The following MSI2 variants were observed in gnomAD, a reference collection of about 807,000 sequenced individuals.
MSI2 encodes the protein RNA-binding protein Musashi homolog 2.
A neutral mutation model predicts 45.6 loss-of-function variants in MSI2; 17 were observed. The observed-to-expected ratio is 0.37, with a 90% CI of 0.26 to 0.56. MSI2 has a LOEUF of 0.56. Among genes scored for constraint, MSI2 ranks in the 20% least tolerant of loss-of-function variants. The pLI, the probability that MSI2 is intolerant of heterozygous loss-of-function variation, is 0.77. For synonymous variants in MSI2, 156 were observed against 158.2 expected (o/e 0.99, Z 0.11); for missense variants, 293 against 444.2 (o/e 0.66, Z 3.06).
intron 9 of MSI2, among the ~76,000 whole-genome samples, chr17:57,622,111 A>G (rs1908347685): frequency 6.6e-6 from 1 of 152,216 alleles, no homozygotes; most frequent in Non-Finnish European, 1.5e-5. Context: ...AGGCAGAAGA[A>G]TCTTGAACCC....
chr17:57,293,587 GTTTTTTTGTTTTTTTTTTTGTT>G (rs1910635268), intron 5 of MSI2, among the ~76,000 whole-genome samples: 1 of 65,374 alleles, frequency 1.5e-5, no homozygotes, highest in Non-Finnish European at 4.4e-5. Flanking sequence ...GTGCTTTATT[GTTTTTTTGTTTTTTTTTTTGTT>G]TTTTTTTGTT....
At chr17:57,297,271 T>C (rs766853897) in intron 5 of MSI2, among the ~76,000 whole-genome samples, 21 of 152,004 alleles carry the variant, frequency 1.4e-4, no homozygotes, top group Non-Finnish European at 5.9e-5. Context: ...ATATTGCAGA[T>C]TCAGTTCCAG....
chr17:57,666,266 G>T (rs1289257823), intron 11 of MSI2, among the ~76,000 whole-genome samples: 3 of 152,218 alleles, frequency 2.0e-5, no homozygotes, highest in African/African-American at 7.2e-5. Context: ...GACACTGTGT[G>T]GCATTGGACA....
intron 10 of MSI2, chr17:57,631,203 T>C (rs1203133919): frequency 6.6e-6 from 1 of 152,378 alleles, no homozygotes; most frequent in Admixed American, 6.5e-5. Context: ...GCAAGACAGC[T>C]AGCTGGGAGA....
chr17:57,402,309 G>T (rs1488315678), intron 6 of MSI2, among the ~76,000 whole-genome samples: 2 of 152,176 alleles, frequency 1.3e-5, no homozygotes, highest in Non-Finnish European at 2.9e-5. Context: ...TGTGGAAATG[G>T]CAGGTTCAAG....
intron 5 of MSI2, among the ~76,000 whole-genome samples, chr17:57,335,256 T>A (rs1181234752): frequency 1.3e-5 from 2 of 152,170 alleles, no homozygotes. Flanking sequence ...CTGGTGGATG[T>A]TCTAGCAGCT....
rs940550631 is a variant in MSI2 at position 57,679,536 on chromosome 17, C to A, written c.*32-13C>A. 4.7e-6 allele frequency: 5 copies of A among 1,054,264 alleles called. No homozygotes were observed. In the South Asian group the frequency reaches 1.4e-4, roughly 29 times the overall value. The allele number at this position is 1,054,264 out of a possible 1,614,324, so 65.3% of individuals were successfully genotyped here. A position where few individuals can be genotyped will look rare whatever the true frequency, so the allele number is the denominator to read the frequency against. On this transcript the variant is annotated splice_polypyrimidine_tract_variant and intron_variant, in intron 13 of 13. Transcript: ENST00000284073. ...GTTTTCTTCTGGACATCCTGGCCTT[C>A]CCTGCCCTGCAGAGCATACCTGGAT...
rs374400269 is a variant in MSI2 at position 57,312,571 on chromosome 17, T to C, written c.312+50379T>C. 4.2e-3 allele frequency among the ~76,000 whole-genome samples: 632 copies of C among 152,214 alleles called. 6 individuals are homozygous for C. Among genetic ancestry groups the C allele is most frequent in the Middle Eastern group, 0.031 (9 of 294 alleles). On this transcript the variant is annotated intron_variant, in intron 5 of 13. Coordinates refer to ENST00000284073, the MANE Select transcript of MSI2 (RefSeq NM_138962.4). ...ACCCTGCAGTCTTCCAGAGTGTAAA[T>C]TGAAGAGAAAGTGACCCTTTCATAT...
intron 6 of MSI2, among the ~76,000 whole-genome samples, chr17:57,459,344 G>A (rs543894045): frequency 2.0e-5 from 3 of 152,308 alleles, no homozygotes; most frequent in African/African-American, 7.2e-5. Context: ...CCGCACGGGG[G>A]CATTGTCCTC....
intron 11 of MSI2, among the ~76,000 whole-genome samples, chr17:57,653,410 C>T (rs1255618264): frequency 6.6e-6 from 1 of 152,140 alleles, no homozygotes; most frequent in Non-Finnish European, 1.5e-5. Context: ...GTGGGGCCCC[C>T]TTCCTGAGCT....
chr17:57,642,083 T>C (rs1910305349), intron 10 of MSI2, among the ~76,000 whole-genome samples: 1 of 152,250 alleles, frequency 6.6e-6, no homozygotes, highest in African/African-American at 2.4e-5. Flanking sequence ...AGGCCAATGA[T>C]GCCTGAGGCT....
At chr17:57,579,449 C>T (rs1473571184) in intron 7 of MSI2, among the ~76,000 whole-genome samples, 1 of 152,194 alleles carries the variant, frequency 6.6e-6, no homozygotes, top group Non-Finnish European at 1.5e-5. Flanking sequence ...CAAGGTGTGC[C>T]CTGTGGCCTG....
chr17:57,385,728 C>T (rs1202580941), intron 5 of MSI2, among the ~76,000 whole-genome samples: 1 of 152,240 alleles, frequency 6.6e-6, no homozygotes, highest in Non-Finnish European at 1.5e-5. Flanking sequence ...CTCTTTCAAG[C>T]CTGCCCTGAC....
At chr17:57,524,238 A>C (rs2030890309) in intron 6 of MSI2, among the ~76,000 whole-genome samples, 1 of 152,186 alleles carries the variant, frequency 6.6e-6, no homozygotes. Context: ...TCTTCCCCCC[A>C]CCGCATTTTA....
intron 6 of MSI2, chr17:57,522,808 C>G (rs1487659846): frequency 6.6e-6 from 1 of 152,342 alleles, no homozygotes; most frequent in East Asian, 1.9e-4. Context: ...CAGCTGCCTC[C>G]CAACACCTGC....
chr17:57,573,437 T>C (rs1418854001), intron 7 of MSI2, among the ~76,000 whole-genome samples: 4 of 152,150 alleles, frequency 2.6e-5, no homozygotes, highest in East Asian at 1.9e-4. Context: ...CAAATTTTTA[T>C]TGAGAATAAG....
chr17:57,674,980 C>T lies in MSI2; in HGVS notation c.799C>T (p.Pro267Ser). Residue 267 changes from proline (P) to serine (S), a missense_variant, in exon 12 of 14, where the codon CCG becomes TCG. By Grantham distance (74) the Pro-to-Ser change is moderately conservative (BLOSUM62 -1). Coordinates refer to ENST00000284073, the MANE Select transcript of MSI2 (RefSeq NM_138962.4). ...GCCCGCTTCCCCGGCAGGCTCCAAC[C>T]CGGCGCGGCCCGGAGGCTTCCCGGG... ...VAAARGSGSN[P>S]ARPGGFPGAN... 2 of 1,613,230 alleles carry T rather than the reference C, an allele frequency of 1.2e-6. No individual in the cohort carries two copies. Among genetic ancestry groups the T allele is most frequent in the Non-Finnish European group, 1.7e-6 (2 of 1,179,706 alleles).
chr17:57,687,870 C>T (rs1180718853), downstream of MSI2, among the ~76,000 whole-genome samples: 2 of 152,052 alleles, frequency 1.3e-5, no homozygotes, highest in East Asian at 3.9e-4. Flanking sequence ...TTTAATATGG[C>T]CAAGCAGGAC....
chr17:57,474,741 GAC>G (rs2085506559), intron 6 of MSI2, among the ~76,000 whole-genome samples: 1 of 151,298 alleles, frequency 6.6e-6, no homozygotes, highest in African/African-American at 2.4e-5. Flanking sequence ...TTTGTTTGGA[GAC>G]AGTCTTGCTC....
Sources: gnomAD v4.1 joint callset for allele counts (sites outside exome capture counted in the v4.1 genomes callset) on GRCh38, gnomAD v4.1.1 for gene constraint, MANE v1.5 for transcripts, NCBI Gene and HGNC (gene_info 2026-07-23, HGNC 2026-07-21) for gene names.